Variants in HCN1 observed in about 807,000 individuals in gnomAD.
HCN1 encodes potassium/sodium hyperpolarization-activated cyclic nucleotide-gated channel 1.
HCN1 carries 13 observed loss-of-function variants against 78.9 expected under a neutral mutation model. The observed-to-expected ratio is 0.16, with a 90% CI of 0.11 to 0.26. The LOEUF is 0.26. Ranked by LOEUF, HCN1 falls within the 10% of genes least tolerant of loss-of-function variation. The pLI is 1.00. For missense variants in HCN1, 810 were observed against 1,154.3 expected (o/e 0.70, Z 4.32); for synonymous variants, 552 against 455.5 (o/e 1.21, Z -2.70).
chr5:45,654,059 T>C (rs1189843696), intron 1 of HCN1, among the ~76,000 whole-genome samples: 2 of 152,162 alleles, frequency 1.3e-5, no homozygotes, highest in African/African-American at 4.8e-5. Context: ...CTTCTTGCTT[T>C]AGACAACAAG....
chr5:45,656,319 A>T (rs552967954), intron 1 of HCN1, among the ~76,000 whole-genome samples: 18 of 152,296 alleles, frequency 1.2e-4, no homozygotes, highest in Non-Finnish European at 2.4e-4. Context: ...AGAATTAGAT[A>T]CAGCCTAATC....
chr5:45,489,001 T>A (rs1353093051), intron 2 of HCN1, among the ~76,000 whole-genome samples: 4 of 152,162 alleles, frequency 2.6e-5, no homozygotes, highest in Non-Finnish European at 5.9e-5. Context: ...ACAAATCTTG[T>A]CCCGAAATAT....
At chr5:45,317,897 T>A (rs1332129307) in intron 5 of HCN1, among the ~76,000 whole-genome samples, 1 of 152,084 alleles carries the variant, frequency 6.6e-6, no homozygotes, top group East Asian at 1.9e-4. Context: ...ATGGCGATCA[T>A]TAAAAAGTCA....
intron 2 of HCN1, among the ~76,000 whole-genome samples, chr5:45,595,724 G>C (rs755115981): frequency 4.0e-5 from 6 of 151,058 alleles, no homozygotes; most frequent in African/African-American, 7.3e-5. Flanking sequence ...ATTTTTATTT[G>C]ACTCTATATG....
intron 2 of HCN1, among the ~76,000 whole-genome samples, chr5:45,550,100 G>A (rs1743333853): frequency 6.6e-6 from 1 of 152,062 alleles, no homozygotes. Context: ...CGATTCCTCA[G>A]GGATCTAGAA....
intron 7 of HCN1, among the ~76,000 whole-genome samples, chr5:45,263,043 A>G (rs1161474829): frequency 6.6e-6 from 1 of 152,192 alleles, no homozygotes; most frequent in Non-Finnish European, 1.5e-5. Context: ...GTAATATGGC[A>G]AAGAGCCACT....
chr5:45,490,261 T>A (rs1025739654), intron 2 of HCN1, among the ~76,000 whole-genome samples: 1 of 152,098 alleles, frequency 6.6e-6, no homozygotes, highest in Non-Finnish European at 1.5e-5. Context: ...AGGAGTCAGA[T>A]CATGATGAGA....
In HCN1 at chr5:45,545,376, AT is replaced by A. The variant is rs542618640; in HGVS notation, c.850-83370del. On this transcript the variant is annotated intron_variant, in intron 2 of 7. Transcript: ENST00000303230. ...TTTGTCAGATGGGTAGATTGTAAAA[AT>A]TTTCTCCCATTAGGCAGGTTGCCTG... Among the ~76,000 whole-genome samples, 439 of 151,960 alleles carry A rather than the reference AT, an allele frequency of 2.9e-3. 2 individuals carry two copies. The highest frequency in any genetic ancestry group is 0.01 in the African/African-American group (418 of 41,412).
chr5:45,447,243 CTT>C (rs910826741), intron 3 of HCN1, among the ~76,000 whole-genome samples: 10 of 152,034 alleles, frequency 6.6e-5, no homozygotes, highest in African/African-American at 2.4e-4. Flanking sequence ...ATCCTAGTCT[CTT>C]TTTTTTCTTT....
chr5:45,675,891 A>G (rs1412801340), intron 1 of HCN1, among the ~76,000 whole-genome samples: 1 of 151,854 alleles, frequency 6.6e-6, no homozygotes, highest in Non-Finnish European at 1.5e-5. Flanking sequence ...ATATAAGATA[A>G]GCTCAAGAGT....
At chr5:45,637,144 G>A (rs1292326262) in intron 2 of HCN1, among the ~76,000 whole-genome samples, 1 of 152,044 alleles carries the variant, frequency 6.6e-6, no homozygotes, top group Non-Finnish European at 1.5e-5. Flanking sequence ...AGATTTCCCA[G>A]ACTTTGCCAC....
chr5:45,294,609 T>C (rs536309081), intron 6 of HCN1, among the ~76,000 whole-genome samples: 1 of 152,186 alleles, frequency 6.6e-6, no homozygotes, highest in Admixed American at 6.6e-5. Flanking sequence ...AACAAACTTT[T>C]CTTTAAAATC....
At chr5:45,522,218 T>TA (rs1257578890) in intron 2 of HCN1, among the ~76,000 whole-genome samples, 2 of 152,046 alleles carry the variant, frequency 1.3e-5, no homozygotes, top group East Asian at 3.9e-4. Context: ...TATCCAGAAT[T>TA]ACTTTTGCTG....
At chr5:45,689,569 A>G (rs1056896112) in intron 1 of HCN1, among the ~76,000 whole-genome samples, 1 of 152,168 alleles carries the variant, frequency 6.6e-6, no homozygotes, top group Non-Finnish European at 1.5e-5. Flanking sequence ...AGAGTATTTC[A>G]AGCTTGGGGG....
At chr5:45,617,942 A>G (rs1324251592) in intron 2 of HCN1, among the ~76,000 whole-genome samples, 2 of 152,116 alleles carry the variant, frequency 1.3e-5, no homozygotes, top group African/African-American at 4.8e-5. Context: ...TACAAAGTAT[A>G]TTGTAGACTT....
chr5:45,515,279 T>C (rs529898270), intron 2 of HCN1, among the ~76,000 whole-genome samples: 2 of 152,106 alleles, frequency 1.3e-5, no homozygotes, highest in Admixed American at 1.3e-4. Context: ...GCTCTCATTA[T>C]CAGAAGGTAT....
At chr5:45,656,012 C>T (rs184362711) in intron 1 of HCN1, among the ~76,000 whole-genome samples, 3 of 152,172 alleles carry the variant, frequency 2.0e-5, no homozygotes, top group Admixed American at 6.5e-5. Context: ...AATGCATACA[C>T]AAACTATATG....
intron 5 of HCN1, among the ~76,000 whole-genome samples, chr5:45,310,125 G>A (rs1280786187): frequency 2.0e-5 from 3 of 151,806 alleles, no homozygotes; most frequent in African/African-American, 7.3e-5. Context: ...TTATAATGAA[G>A]ACCCCAAAAG....
At chr5:45,519,946 T>C (rs1742583215) in intron 2 of HCN1, among the ~76,000 whole-genome samples, 1 of 151,932 alleles carries the variant, frequency 6.6e-6, no homozygotes, top group Non-Finnish European at 1.5e-5. Flanking sequence ...CCCATAAGAG[T>C]TGACAACAGT....
Sources: gnomAD v4.1 joint callset for allele counts (sites outside exome capture counted in the v4.1 genomes callset) on GRCh38, gnomAD v4.1.1 for gene constraint, MANE v1.5 for transcripts, NCBI Gene and HGNC (gene_info 2026-07-23, HGNC 2026-07-21) for gene names.